Variants in TENM3 observed in about 807,000 individuals in gnomAD.
TENM3 encodes the protein teneurin-3.
In TENM3, 63 loss-of-function variants were observed where a neutral mutation model predicts 255.1. The observed-to-expected ratio is 0.25, with a 90% confidence interval of 0.20 to 0.30. The LOEUF is 0.30. TENM3 is among the 10% of genes least tolerant of loss of function. The probability of loss-of-function intolerance (pLI) is 1.00; values close to 1 mark genes in which losing one functional copy is unlikely to be tolerated. For missense variants in TENM3, 2,929 were observed against 3,461.1 expected, an observed-to-expected ratio of 0.85 and a Z score of 3.86; for synonymous variants, 1,306 against 1,322.3, an observed-to-expected ratio of 0.99 and a Z score of 0.27.
chr4:182,199,521 G>A (rs942150778), intron 1 of TENM3, among the ~76,000 whole-genome samples: 2 of 152,032 alleles, frequency 1.3e-5, no homozygotes, highest in Non-Finnish European at 2.9e-5. Flanking sequence ...GATTAAACTC[G>A]CCCAGATACA....
At chr4:182,440,474 C>T (rs113843492) in intron 3 of TENM3, among the ~76,000 whole-genome samples, 2 of 152,102 alleles carry the variant, frequency 1.3e-5, no homozygotes, top group South Asian at 2.1e-4. Context: ...TTTCGTTTCT[C>T]TACGCCATTT....
At chr4:182,652,711 A>C (rs1753421260) in intron 5 of TENM3, among the ~76,000 whole-genome samples, 1 of 152,292 alleles carries the variant, frequency 6.6e-6, no homozygotes, top group East Asian at 1.9e-4. Context: ...GGTAGTCATC[A>C]CACTGCCTTC....
chr4:181,834,950 AT>A, the TENM3 span: 4 of 152,132 alleles, frequency 2.6e-5, no homozygotes, highest in East Asian at 1.9e-4. Flanking sequence ...TCTGTAATAT[AT>A]TTTTTTAAAT....
intron 3 of TENM3, among the ~76,000 whole-genome samples, chr4:182,559,925 T>C (rs1219931220): frequency 6.6e-6 from 1 of 152,104 alleles, no homozygotes; most frequent in Admixed American, 6.6e-5. Context: ...TTGGATTGTT[T>C]ATAACACAAA....
Position 182,550,808 on chromosome 4 carries a change from A to C in TENM3, c.512-50116A>C, listed in dbSNP as rs1264737405. 1.1e-4 allele frequency among the ~76,000 whole-genome samples: 17 copies of C among 152,318 alleles called. No homozygotes were observed. The East Asian group carries it at 3.3e-3, about 29-fold the overall frequency. The stretch of plus-strand genomic sequence containing the variant: ...CAGTTACTAAATGTTTGTTGAATGA[A>C]AACATATCCTGAGGCGTTGGGATTG... On this transcript the variant is annotated intron_variant, in intron 3 of 27. Transcript: ENST00000511685.
intron 3 of TENM3, among the ~76,000 whole-genome samples, chr4:182,570,233 G>A (rs1744223269): frequency 6.6e-6 from 1 of 152,154 alleles, no homozygotes; most frequent in African/African-American, 2.4e-5. Context: ...ATTTGATGGG[G>A]AAAGGGTGAT....
chr4:182,724,903 A>G (rs1180903040), intron 13 of TENM3, among the ~76,000 whole-genome samples: 1 of 152,244 alleles, frequency 6.6e-6, no homozygotes, highest in African/African-American at 2.4e-5. Flanking sequence ...TCTCCCAAGC[A>G]TATGTACCCA....
At chr4:182,350,779 G>A (rs1425626601) in intron 3 of TENM3, among the ~76,000 whole-genome samples, 6 of 152,106 alleles carry the variant, frequency 3.9e-5, no homozygotes, top group Non-Finnish European at 5.9e-5. Context: ...CTGCCTCCTG[G>A]GTTCAAGCCA....
the TENM3 span, among the ~76,000 whole-genome samples, chr4:181,630,991 C>T: frequency 1.3e-5 from 2 of 152,120 alleles, no homozygotes; most frequent in Non-Finnish European, 2.9e-5. Context: ...AGGGCAGATT[C>T]CTGAGCATAA....
At chr4:181,733,724 T>C in the TENM3 span, among the ~76,000 whole-genome samples, 1 of 152,186 alleles carries the variant, frequency 6.6e-6, no homozygotes, top group Non-Finnish European at 1.5e-5. Context: ...AAGAAAGTTG[T>C]ATCTTCCTGT....
At chr4:182,226,717 A>G (rs776898649) in intron 1 of TENM3, among the ~76,000 whole-genome samples, 1 of 152,158 alleles carries the variant, frequency 6.6e-6, no homozygotes, top group Non-Finnish European at 1.5e-5. Context: ...ATACCCAGTC[A>G]TTACTCCAAA....
At chr4:182,335,494 C>CAAAAAA (rs372965020) in intron 2 of TENM3, among the ~76,000 whole-genome samples, 1,900 of 52,306 alleles carry the variant, frequency 0.036, 135 homozygotes, top group East Asian at 0.12. Context: ...GACTCCGCCT[C>CAAAAAA]AAAAAAAAAA....
chr4:182,024,281 A>C, the TENM3 span, among the ~76,000 whole-genome samples: 1 of 152,318 alleles, frequency 6.6e-6, no homozygotes, highest in Non-Finnish European at 1.5e-5. Context: ...GAATGTCTAC[A>C]CTAAATACAC....
At chr4:181,728,274 T>C in the TENM3 span, among the ~76,000 whole-genome samples, 4 of 151,984 alleles carry the variant, frequency 2.6e-5, no homozygotes, top group African/African-American at 9.7e-5. Context: ...AAAAAGAGGG[T>C]TCTAGGATCT....
chr4:181,979,820 G>A, the TENM3 span, among the ~76,000 whole-genome samples: 1 of 152,140 alleles, frequency 6.6e-6, no homozygotes, highest in Admixed American at 6.5e-5. Context: ...TTCAAACTGA[G>A]GTGGTTTTCT....
the TENM3 span, among the ~76,000 whole-genome samples, chr4:182,020,313 C>G: frequency 7.0e-3 from 1,063 of 152,074 alleles, 12 homozygotes; most frequent in African/African-American, 0.024. Flanking sequence ...TTGCAGTGAG[C>G]TGAGATCACG....
chr4:182,672,284 T>C (rs1264407411), intron 6 of TENM3, among the ~76,000 whole-genome samples: 1 of 152,150 alleles, frequency 6.6e-6, no homozygotes, highest in Non-Finnish European at 1.5e-5. Flanking sequence ...AGAGGTTTTG[T>C]TCCTATGCAT....
At chr4:182,169,665 G>A (rs1283032417) in intron 1 of TENM3, among the ~76,000 whole-genome samples, 1 of 152,110 alleles carries the variant, frequency 6.6e-6, no homozygotes, top group Non-Finnish European at 1.5e-5. Context: ...CTCTACTACA[G>A]TAATAACTTC....
chr4:182,153,222 T>G (rs1750467078), intron 1 of TENM3, among the ~76,000 whole-genome samples: 1 of 151,942 alleles, frequency 6.6e-6, no homozygotes, highest in African/African-American at 2.4e-5. Flanking sequence ...GTTCTAAAAA[T>G]TATAAAAATA....
Sources: allele counts gnomAD v4.1 joint callset (sites outside exome capture counted in the v4.1 genomes callset), GRCh38; gene constraint gnomAD v4.1.1; transcripts MANE v1.5; gene names NCBI Gene and HGNC (gene_info 2026-07-23, HGNC 2026-07-21).